KLF17: variants seen among roughly 807,000 people sequenced by gnomAD.
KLF17 encodes KLF transcription factor 17, also known as Krueppel-like factor 17.
In KLF17, 31 loss-of-function variants were observed where a neutral mutation model predicts 34.2. The ratio of observed to expected loss-of-function variants is 0.91; its 90% CI spans 0.68 to 1.22. The LOEUF (loss-of-function observed/expected upper bound fraction) is 1.22. Among genes scored for constraint, KLF17 ranks in the 50% most tolerant of loss-of-function variants. The pLI is 0.00. For synonymous variants in KLF17, 179 were observed against 186.7 expected (o/e 0.96, Z 0.34); for missense variants, 478 against 505.2 (o/e 0.95, Z 0.52).
At chr1:44,128,947 G>T (rs2088062495) in intron 1 of KLF17, among the ~76,000 whole-genome samples, 1 of 152,106 alleles carries the variant, frequency 6.6e-6, no homozygotes, top group African/African-American at 2.4e-5. Context: ...GGGAGACAGA[G>T]GTCGTGGTGA....
chr1:44,122,246 A>G, intron 1 of KLF17: 2 of 1,604,186 alleles, frequency 1.2e-6, no homozygotes, highest in Non-Finnish European at 1.7e-6. Context: ...CCCTTTTCTT[A>G]GATTTCACCT....
At chr1:44,122,256 T>G in intron 1 of KLF17, 1 of 1,603,244 alleles carries the variant, frequency 6.2e-7, no homozygotes, top group South Asian at 1.1e-5. Flanking sequence ...AGATTTCACC[T>G]TAGGTTCAAC....
intron 1 of KLF17, among the ~76,000 whole-genome samples, chr1:44,123,213 T>C (rs76195754): frequency 0.019 from 2,911 of 152,108 alleles, 82 homozygotes; most frequent in East Asian, 0.074. Context: ...CACTTGCCAC[T>C]ATACCTGGCA....
the KLF17 span, among the ~76,000 whole-genome samples, chr1:44,049,301 G>A: frequency 6.6e-6 from 1 of 152,136 alleles, no homozygotes; most frequent in Admixed American, 6.6e-5. Flanking sequence ...TAGGGACTCA[G>A]TGCATGAATT....
At chr1:44,084,241 C>T in the KLF17 span, among the ~76,000 whole-genome samples, 1 of 152,158 alleles carries the variant, frequency 6.6e-6, no homozygotes, top group Non-Finnish European at 1.5e-5. Flanking sequence ...TTCTACTATC[C>T]TCAGCTAATT....
chr1:44,111,460 C>CTTG, the KLF17 span, among the ~76,000 whole-genome samples: 5 of 71,072 alleles, frequency 7.0e-5, no homozygotes, highest in African/African-American at 2.5e-4. Context: ...TCCTTTGCAA[C>CTTG]TTGTTTTTTT....
chr1:44,117,014 C>T (rs1405296446), upstream of KLF17: 1 of 152,094 alleles, frequency 6.6e-6, no homozygotes, highest in Non-Finnish European at 1.5e-5. Context: ...AGCCAATAAT[C>T]TAGGAGCCTT....
At chr1:44,054,481 T>TTC in the KLF17 span, among the ~76,000 whole-genome samples, 8 of 143,512 alleles carry the variant, frequency 5.6e-5, no homozygotes, top group African/African-American at 2.1e-4. Flanking sequence ...AGTGTGCCTT[T>TTC]TTTTTTTTTT....
At chr1:44,092,049 A>G in the KLF17 span, among the ~76,000 whole-genome samples, 2 of 149,198 alleles carry the variant, frequency 1.3e-5, no homozygotes, top group East Asian at 4.0e-4. Flanking sequence ...AAAAAAAAAA[A>G]CTTGCTCTTT....
At chr1:44,070,713 T>A in the KLF17 span, among the ~76,000 whole-genome samples, 1 of 148,062 alleles carries the variant, frequency 6.8e-6, no homozygotes, top group Non-Finnish European at 1.5e-5. Context: ...CCCACCTCCC[T>A]TGTCTTTATC....
rs759345555 is a variant in KLF17, at chr1:44,130,213, G to A, written c.925+17G>A. On this transcript the variant is annotated intron_variant, in intron 2 of 3. Coordinates refer to ENST00000372299, the MANE Select transcript of KLF17 (RefSeq NM_173484.4). ...AGCACACAGGTGAAGGAGGTGTCAG[G>A]TGGGGTGGGGATGGAGGAGTCTCTG... 6.3e-7 allele frequency: 1 copy of A among 1,595,308 alleles called. No individual in the cohort carries two copies. Among genetic ancestry groups the A allele is most frequent in the South Asian group, 1.1e-5 (1 of 88,014 alleles).
At chr1:44,091,217 A>G in the KLF17 span, among the ~76,000 whole-genome samples, 10 of 150,412 alleles carry the variant, frequency 6.6e-5, no homozygotes, top group Non-Finnish European at 1.3e-4. Flanking sequence ...TTTCCAAAAC[A>G]AAAAATTTCA....
the KLF17 span, among the ~76,000 whole-genome samples, chr1:44,102,273 C>A: frequency 6.6e-6 from 1 of 152,092 alleles, no homozygotes; most frequent in Non-Finnish European, 1.5e-5. Context: ...GTGACTCACA[C>A]CCATAATCCC....
At chr1:44,049,412 C>T in the KLF17 span, among the ~76,000 whole-genome samples, 2 of 152,198 alleles carry the variant, frequency 1.3e-5, no homozygotes, top group Non-Finnish European at 2.9e-5. Flanking sequence ...CCCAAGGTGA[C>T]CACTAGCTTA....
chr1:44,069,147 T>A, the KLF17 span, among the ~76,000 whole-genome samples: 36 of 152,192 alleles, frequency 2.4e-4, no homozygotes, highest in African/African-American at 8.7e-4. The surrounding 1 kb of genome is among the most constrained non-coding windows in gnomAD (Gnocchi z 4.7). Context: ...GGTCTTCCAG[T>A]CCTCACATCC....
At chr1:44,131,083 C>A (rs2088104136) in intron 3 of KLF17, among the ~76,000 whole-genome samples, 1 of 152,198 alleles carries the variant, frequency 6.6e-6, no homozygotes, top group Non-Finnish European at 1.5e-5. Flanking sequence ...GCGTGAGCCA[C>A]CGCAGCCGGC....
the KLF17 span, chr1:44,103,625 C>T: frequency 5.5e-4 from 888 of 1,610,046 alleles, 6 homozygotes; most frequent in African/African-American, 0.01. Context: ...TCTCGATGTC[C>T]AGGGCCAGCT....
chr1:44,079,401 A>G, the KLF17 span, among the ~76,000 whole-genome samples: 1 of 150,766 alleles, frequency 6.6e-6, no homozygotes, highest in Admixed American at 6.6e-5. Context: ...GGCTAAAGCA[A>G]TTCTCCCACC....
chr1:44,130,166 C>T lies in KLF17; in HGVS notation c.895C>T (p.His299Tyr), dbSNP rs138188954. The T allele has an allele frequency of 3.1e-6, 5 of 1,613,212 alleles. No homozygotes were observed. The African/African-American group carries it at 6.7e-5, about 22-fold the overall frequency. Residue 299 changes from histidine (H) to tyrosine (Y), a missense_variant, in exon 2 of 4, where the codon CAC (histidine) becomes TAC (tyrosine). Coordinates refer to ENST00000372299, the MANE Select transcript of KLF17 (RefSeq NM_173484.4). ...CGGAAAAGCTTATACCAAACGCTCC[C>T]ACCTCGTGAGCCACCAGCGCAAGCA... The part of the protein sequence containing the change: ...NCGKAYTKRS[H>Y]LVSHQRKHTG...
Sources: gnomAD v4.1 joint callset for allele counts (sites outside exome capture counted in the v4.1 genomes callset) on GRCh38, gnomAD v4.1.1 for gene constraint, Gnocchi (gnomAD v3.1) non-coding constraint, MANE v1.5 for transcripts, NCBI Gene and HGNC (gene_info 2026-07-23, HGNC 2026-07-21) for gene names.